Variants in GPHN observed in about 807,000 individuals in gnomAD.
GPHN encodes the protein gephyrin.
A neutral mutation model predicts 95.5 loss-of-function variants in GPHN; 17 were observed. The ratio of observed to expected loss-of-function variants is 0.18; its 90% confidence interval spans 0.12 to 0.27. GPHN has a LOEUF of 0.27. Among genes scored for constraint, GPHN ranks in the 10% least tolerant of loss-of-function variants. The pLI, the probability that GPHN is intolerant of heterozygous loss-of-function variation, is 1.00. For synonymous variants in GPHN, 320 were observed against 322.5 expected, an observed-to-expected ratio of 0.99 and a Z score of 0.08; for missense variants, 660 against 978.1, an observed-to-expected ratio of 0.67 and a Z score of 4.34.
chr14:67,601,956 C>T, the GPHN span, among the ~76,000 whole-genome samples: 1 of 151,460 alleles, frequency 6.6e-6, no homozygotes. Flanking sequence ...GTTTCTTCAT[C>T]TTCATTCAGA....
intron 17 of GPHN, 48 bp downstream of exon 17, chr14:67,122,425 G>C (rs756218188): frequency 6.4e-7 from 1 of 1,554,300 alleles, no homozygotes; most frequent in South Asian, 1.1e-5. Flanking sequence ...ACAAATACGA[G>C]TTTTTGGAAT....
intron 1 of GPHN, among the ~76,000 whole-genome samples, chr14:66,545,126 A>G (rs1202198201): frequency 1.3e-5 from 2 of 151,866 alleles, no homozygotes; most frequent in Admixed American, 1.3e-4. Context: ...GGCCGGGCAG[A>G]GGGGCTCCTC....
At chr14:67,130,719 C>G (rs751283847) in intron 17 of GPHN, among the ~76,000 whole-genome samples, 3 of 152,142 alleles carry the variant, frequency 2.0e-5, no homozygotes, top group Non-Finnish European at 4.4e-5. Flanking sequence ...ACACTCCCAC[C>G]AACGGTGTGT....
At chr14:67,578,619 A>G in the GPHN span, 1 of 1,606,064 alleles carries the variant, frequency 6.2e-7, no homozygotes, top group African/African-American at 1.3e-5. This position sits in a 1 kb window ranked among gnomAD's most constrained non-coding sequence, Gnocchi z 5.0. Flanking sequence ...CTCCAACGCC[A>G]TGCAGATCCC....
At chr14:67,262,460 C>T in the GPHN span, among the ~76,000 whole-genome samples, 1 of 152,142 alleles carries the variant, frequency 6.6e-6, no homozygotes, top group Admixed American at 6.5e-5. Flanking sequence ...TTTTAAAACT[C>T]TGTTTGGCTC....
At chr14:67,204,520 CGTGTGCTT>C in the GPHN span, 14 of 1,606,796 alleles carry the variant, frequency 8.7e-6, no homozygotes, top group African/African-American at 1.3e-5. Context: ...ATGATGTTAC[CGTGTGCTT>C]GTTTGCAGGT....
At chr14:67,016,362 TAACA>T (rs1425941319) in intron 9 of GPHN, among the ~76,000 whole-genome samples, 30 of 152,036 alleles carry the variant, frequency 2.0e-4, no homozygotes, top group African/African-American at 7.2e-4. Context: ...ATGCATTAAA[TAACA>T]AACTAGGAGC....
intron 5 of GPHN, among the ~76,000 whole-genome samples, chr14:66,909,804 A>T (rs1044088015): frequency 2.0e-5 from 3 of 151,976 alleles, no homozygotes; most frequent in Admixed American, 6.6e-5. Flanking sequence ...ATTGAAAAGG[A>T]CAAGTAATCT....
intron 2 of GPHN, among the ~76,000 whole-genome samples, chr14:66,753,224 TATACTTACTCTC>T (rs2058437138): frequency 6.6e-6 from 1 of 152,062 alleles, no homozygotes; most frequent in Non-Finnish European, 1.5e-5. Context: ...CCCCTGGGTA[TATACTTACTCTC>T]TTGTACATCC....
At chr14:67,516,235 G>A in the GPHN span, among the ~76,000 whole-genome samples, 1 of 152,286 alleles carries the variant, frequency 6.6e-6, no homozygotes, top group South Asian at 2.1e-4. Flanking sequence ...GGGTGCCTCA[G>A]CCAAGAGGAA....
At chr14:66,968,920 A>C (rs911553160) in intron 9 of GPHN, 31 of 147,834 alleles carry the variant, frequency 2.1e-4, no homozygotes, top group Admixed American at 6.0e-4. Context: ...CAATATATAG[A>C]TATATTGCAG....
At chr14:67,128,687 A>T (rs1424141981) in intron 17 of GPHN, among the ~76,000 whole-genome samples, 1 of 152,152 alleles carries the variant, frequency 6.6e-6, no homozygotes, top group Non-Finnish European at 1.5e-5. Context: ...CTCTAATCCC[A>T]GCACTTTGGG....
chr14:67,679,173 G>A, the GPHN span, among the ~76,000 whole-genome samples: 5 of 152,118 alleles, frequency 3.3e-5, no homozygotes, highest in African/African-American at 1.2e-4. Flanking sequence ...GGGGACACAA[G>A]TCATCCTTTA....
At chr14:67,411,425 C>T in the GPHN span, among the ~76,000 whole-genome samples, 1 of 152,020 alleles carries the variant, frequency 6.6e-6, no homozygotes, top group Non-Finnish European at 1.5e-5. Context: ...CAGTACCCAC[C>T]GTGTATGGCA....
intron 1 of GPHN, among the ~76,000 whole-genome samples, chr14:66,597,225 CA>C (rs958635409): frequency 3.3e-5 from 5 of 152,204 alleles, no homozygotes; most frequent in African/African-American, 1.2e-4. Flanking sequence ...TGGATCAAAA[CA>C]AAACAAAGGG....
At chr14:67,120,864 C>T (rs888144027) in intron 16 of GPHN, among the ~76,000 whole-genome samples, 1 of 152,224 alleles carries the variant, frequency 6.6e-6, no homozygotes, top group East Asian at 1.9e-4. Context: ...AGTAAGTATT[C>T]GAAGGGAAGA....
chr14:67,451,223 G>A, the GPHN span, among the ~76,000 whole-genome samples: 1 of 152,212 alleles, frequency 6.6e-6, no homozygotes, highest in Non-Finnish European at 1.5e-5. Flanking sequence ...TGCAGGGGCG[G>A]GGCCCTCATG....
intron 11 of GPHN, among the ~76,000 whole-genome samples, chr14:67,086,412 A>T (rs988100063): frequency 6.6e-6 from 1 of 150,732 alleles, no homozygotes; most frequent in Non-Finnish European, 1.5e-5. Context: ...AGCACTTTGG[A>T]AGGCCGAGGC....
intron 2 of GPHN, among the ~76,000 whole-genome samples, chr14:66,731,232 T>A (rs8007677): frequency 0.34 from 52,001 of 152,054 alleles, 13,428 homozygotes; most frequent in African/African-American, 0.7. Context: ...GGTAAAGTGG[T>A]GAGTGAGGTA....
Sources: gnomAD v4.1 joint callset for allele counts (sites outside exome capture counted in the v4.1 genomes callset) on GRCh38, gnomAD v4.1.1 for gene constraint, Gnocchi (gnomAD v3.1) non-coding constraint, MANE v1.5 for transcripts, NCBI Gene and HGNC (gene_info 2026-07-23, HGNC 2026-07-21) for gene names.